ATG16L1: variants seen among roughly 807,000 people sequenced by gnomAD.
ATG16L1 encodes autophagy related 16 like 1, also known as autophagy-related protein 16-1.
Under a neutral mutation model 88.5 loss-of-function variants are expected in ATG16L1, and 37 were observed. The observed-to-expected ratio is 0.42, with a 90% CI of 0.32 to 0.55. The LOEUF (loss-of-function observed/expected upper bound fraction) is 0.55, where lower values mean the gene tolerates loss of function less well. Among genes scored for constraint, ATG16L1 ranks in the 20% least tolerant of loss-of-function variants. ATG16L1 has a pLI of 0.13. For missense variants in ATG16L1, 554 were observed against 752.8 expected (o/e 0.74, Z 3.09); for synonymous variants, 301 against 281.0 (o/e 1.07, Z -0.71).
At chr2:233,252,517 G>A (rs2125186083) in intron 1 of ATG16L1, among the ~76,000 whole-genome samples, 1 of 151,990 alleles carries the variant, frequency 6.6e-6, no homozygotes, top group South Asian at 2.1e-4. Flanking sequence ...CGAGTAGCTG[G>A]GATTACAGAC....
At chr2:233,267,791 A>G (rs1697711031) in intron 5 of ATG16L1, among the ~76,000 whole-genome samples, 2 of 152,250 alleles carry the variant, frequency 1.3e-5, no homozygotes, top group East Asian at 1.9e-4. Flanking sequence ...ATGCCAAGGA[A>G]GAGCCCCTGA....
chr2:233,264,120 T>A lies in ATG16L1; in HGVS notation c.389+55T>A, dbSNP rs372102682. ...TGGTCATTGGGTCCCATGTCCTTTG[T>A]TCTGCTGACCTCTTGTGAGCAGGGC... On this transcript the variant is annotated intron_variant, in intron 4 of 17. Transcript: ENST00000392017. 4.9e-4 allele frequency: 785 copies of A among 1,590,120 alleles called. 11 individuals are homozygous for A. The South Asian group carries it at 8.1e-3, about 16-fold the overall frequency.
intron 12 of ATG16L1, among the ~76,000 whole-genome samples, chr2:233,288,428 G>C (rs1013752225): frequency 6.6e-6 from 1 of 151,938 alleles, no homozygotes; most frequent in Non-Finnish European, 1.5e-5. Context: ...GAGACTATAA[G>C]TACCCACCAC....
At chr2:233,290,579 A>G (rs990269284) in intron 14 of ATG16L1, among the ~76,000 whole-genome samples, 6 of 151,216 alleles carry the variant, frequency 4.0e-5, no homozygotes, top group Non-Finnish European at 7.4e-5. Context: ...ACCAGCTGGC[A>G]GGTAAGAAAA....
chr2:233,259,686 CTTCT>C (rs1305389950), intron 2 of ATG16L1, among the ~76,000 whole-genome samples: 1 of 152,158 alleles, frequency 6.6e-6, no homozygotes, highest in Non-Finnish European at 1.5e-5. Context: ...GCCCTCCTGA[CTTCT>C]TTGTTTCCAT....
intron 14 of ATG16L1, among the ~76,000 whole-genome samples, chr2:233,291,007 C>T (rs1249436016): frequency 6.6e-6 from 1 of 151,974 alleles, no homozygotes; most frequent in African/African-American, 2.4e-5. Flanking sequence ...GAATAGGAAA[C>T]CAATAGAGTT....
intron 3 of ATG16L1, among the ~76,000 whole-genome samples, chr2:233,263,570 G>A (rs188552491): frequency 5.3e-4 from 80 of 152,298 alleles, no homozygotes; most frequent in African/African-American, 1.9e-3. Flanking sequence ...AAGCTTTTCA[G>A]TACAAACCCT....
At chr2:233,273,319 T>C (rs2089154592) in intron 7 of ATG16L1, 1 of 510,322 alleles carries the variant, frequency 2.0e-6, no homozygotes, top group Non-Finnish European at 3.5e-6. Flanking sequence ...TGAAACCTTA[T>C]TAAGCAGAAT....
chr2:233,261,404 G>A (rs1019208557), intron 2 of ATG16L1, among the ~76,000 whole-genome samples: 3 of 152,170 alleles, frequency 2.0e-5, no homozygotes, highest in Admixed American at 6.5e-5. Context: ...AAAAGGTGGG[G>A]GAGATTTGAT....
intron 5 of ATG16L1, among the ~76,000 whole-genome samples, chr2:233,268,485 T>A (rs1427952748): frequency 1.3e-5 from 2 of 152,212 alleles, no homozygotes; most frequent in Non-Finnish European, 1.5e-5. Context: ...TCCTTTCAGC[T>A]ATAGTGATGA....
chr2:233,252,471 C>T (rs1319045186), intron 1 of ATG16L1, among the ~76,000 whole-genome samples: 1 of 152,106 alleles, frequency 6.6e-6, no homozygotes, highest in East Asian at 1.9e-4. Context: ...CAGTCTCAAA[C>T]TCCCAGGATC....
intron 3 of ATG16L1, among the ~76,000 whole-genome samples, chr2:233,263,599 G>A (rs756360789): frequency 7.9e-5 from 12 of 152,200 alleles, no homozygotes; most frequent in Admixed American, 2.6e-4. Flanking sequence ...AGAGACATTC[G>A]TGAGAAAGAA....
At chr2:233,282,240 G>A (rs1029354381) in intron 11 of ATG16L1, among the ~76,000 whole-genome samples, 1 of 152,192 alleles carries the variant, frequency 6.6e-6, no homozygotes, top group African/African-American at 2.4e-5. Context: ...AGATGCAGAA[G>A]GCCCAGGTGG....
Position 233,258,571 on chromosome 2 carries a change from TCATC to T in ATG16L1, c.209+2379_209+2382del, listed in dbSNP as rs1451184378. Among the ~76,000 whole-genome samples, 2 of 152,266 alleles carry T rather than the reference TCATC, an allele frequency of 1.3e-5. 1 individual carries two copies. Among genetic ancestry groups the T allele is most frequent in the Non-Finnish European group, 2.9e-5 (2 of 68,044 alleles). ...GCTGTTTCACCATTTTCGTCTAAAT[TCATC>T]CAATTGAAAACTAAAAACATTTCTA... On this transcript the variant is annotated intron_variant, in intron 2 of 17. Coordinates refer to ENST00000392017, the MANE Select transcript of ATG16L1 (RefSeq NM_030803.7).
intron 17 of ATG16L1, 137 bp downstream of exon 17, chr2:233,293,494 G>C: frequency 1.3e-6 from 1 of 763,998 alleles, no homozygotes; most frequent in Non-Finnish European, 2.2e-6. Flanking sequence ...GCTGAGCTAG[G>C]TCAGTGGAGA....
chr2:233,273,711 T>C lies in ATG16L1; in HGVS notation c.795-10T>C. 1 of 1,613,888 alleles carries C rather than the reference T, an allele frequency of 6.2e-7. No homozygotes were observed. The highest frequency in any genetic ancestry group is 8.5e-7 in the Non-Finnish European group (1 of 1,179,806). Reference sequence around the variant, plus strand: ...TCTAAGGTTTAAACCTATCCTCCCCTCCTCTTTAGTAAGCGACTCTCGCAG... The same window carrying C: ...TCTAAGGTTTAAACCTATCCTCCCCCCCTCTTTAGTAAGCGACTCTCGCAG... On this transcript the variant is annotated splice_polypyrimidine_tract_variant and intron_variant, in intron 7 of 17. Coordinates refer to ENST00000392017, the MANE Select transcript of ATG16L1 (RefSeq NM_030803.7).
At chr2:233,293,172 A>G in intron 16 of ATG16L1, 84 bp from the exon 17 acceptor site, 6 of 1,216,228 alleles carry the variant, frequency 4.9e-6, no homozygotes, top group Non-Finnish European at 7.3e-6. Flanking sequence ...AAGAACAAAC[A>G]TTCCTTCTTG....
Position 233,294,539 on chromosome 2 carries a change from G to A in ATG16L1, c.*189G>A, listed in dbSNP as rs1408082346. The A allele has an allele frequency of 4.2e-6, 2 of 477,100 alleles. No homozygotes were observed. The highest frequency in any genetic ancestry group is 6.9e-5 in the East Asian group (2 of 28,812). The allele number at this position is 477,100 out of a possible 1,614,324, so 29.6% of individuals were successfully genotyped here. A position where few individuals can be genotyped will look rare whatever the true frequency, so the allele number is the denominator to read the frequency against. On this transcript the variant is annotated 3_prime_UTR_variant, in exon 18 of 18. Coordinates refer to ENST00000392017, the MANE Select transcript of ATG16L1 (RefSeq NM_030803.7). Reference sequence around the variant, plus strand: ...ATTTGACTGAGGTCTCTCTTGGCCTGGAAGAATAACACTGAAAAAACCTGA... The same window carrying A: ...ATTTGACTGAGGTCTCTCTTGGCCTAGAAGAATAACACTGAAAAAACCTGA...
In ATG16L1 at chr2:233,269,997, A is replaced by G. The variant is rs770776403; in HGVS notation, c.642-5A>G. On this transcript the variant is annotated splice_region_variant and splice_polypyrimidine_tract_variant and intron_variant, in intron 5 of 17. Coordinates refer to ENST00000392017, the MANE Select transcript of ATG16L1 (RefSeq NM_030803.7). Reference sequence around the variant, plus strand: ...GGTGGGCTTTTTTTTTTTTTTTCCCAACAGGAGGCGGCAAGCCCGGCTGCA... The same window carrying G: ...GGTGGGCTTTTTTTTTTTTTTTCCCGACAGGAGGCGGCAAGCCCGGCTGCA... 3 of 1,562,716 alleles carry G rather than the reference A, an allele frequency of 1.9e-6. No homozygotes were observed. The highest frequency in any genetic ancestry group is 1.2e-5 in the South Asian group (1 of 81,560).
Sources: allele counts gnomAD v4.1 joint callset (sites outside exome capture counted in the v4.1 genomes callset), GRCh38; gene constraint gnomAD v4.1.1; transcripts MANE v1.5; gene names NCBI Gene and HGNC (gene_info 2026-07-23, HGNC 2026-07-21).